CDH12: variants seen among roughly 807,000 people sequenced by gnomAD.
CDH12 encodes the protein cadherin 12.
Under a neutral mutation model 74.1 loss-of-function variants are expected in CDH12, and 41 were observed. The ratio of observed to expected loss-of-function variants is 0.55; its 90% CI spans 0.43 to 0.72. The LOEUF (loss-of-function observed/expected upper bound fraction) is 0.72, where lower values mean the gene tolerates loss of function less well. Ranked by LOEUF, CDH12 falls within the 30% of genes least tolerant of loss-of-function variation. The pLI is 0.00. For missense variants in CDH12, 945 were observed against 977.2 expected, an observed-to-expected ratio of 0.97 and a Z score of 0.44; for synonymous variants, 399 against 355.0, an observed-to-expected ratio of 1.12 and a Z score of -1.39.
chr5:22,375,409 T>C (rs1179058605), intron 3 of CDH12, among the ~76,000 whole-genome samples: 1 of 151,932 alleles, frequency 6.6e-6, no homozygotes, highest in African/African-American at 2.4e-5. Context: ...GACTAAGACC[T>C]CAAAAGCACA....
At chr5:21,941,623 C>T (rs960119834) in intron 6 of CDH12, among the ~76,000 whole-genome samples, 1 of 151,606 alleles carries the variant, frequency 6.6e-6, no homozygotes, top group Non-Finnish European at 1.5e-5. Context: ...CTATTTGGAC[C>T]ACAACTTATA....
At chr5:22,324,137 T>C (rs1157984377) in intron 3 of CDH12, among the ~76,000 whole-genome samples, 1 of 152,152 alleles carries the variant, frequency 6.6e-6, no homozygotes, top group African/African-American at 2.4e-5. Context: ...TGATGACAAG[T>C]CTTGCAATGA....
In CDH12 at chr5:21,969,683, C is replaced by T. The variant is rs184429031; in HGVS notation, c.526+5408G>A. 3.4e-3 allele frequency among the ~76,000 whole-genome samples: 511 copies of T among 152,208 alleles called. 3 individuals are homozygous for T. The highest frequency in any genetic ancestry group is 4.2e-3 in the Non-Finnish European group (283 of 68,014). On this transcript the variant is annotated intron_variant, in intron 6 of 14. Coordinates refer to ENST00000382254, the MANE Select transcript of CDH12 (RefSeq NM_004061.5). ...CTTGAGACAGAGGTACTCAATAGAGCCATTCCTATGAGAAACTTAAGTATC... is the reference window on the plus strand; with the variant it reads ...CTTGAGACAGAGGTACTCAATAGAGTCATTCCTATGAGAAACTTAAGTATC...
chr5:22,059,253 C>CTCTA (rs11438319), intron 5 of CDH12, among the ~76,000 whole-genome samples: 45,812 of 144,210 alleles, frequency 0.32, 7,469 homozygotes, highest in Admixed American at 0.37. Context: ...TTTCCTTGTA[C>CTCTA]TCTATCTATC....
intron 10 of CDH12, among the ~76,000 whole-genome samples, chr5:21,786,913 GT>G (rs1746228350): frequency 6.6e-6 from 1 of 152,146 alleles, no homozygotes; most frequent in South Asian, 2.1e-4. Flanking sequence ...CTGCAGAGGG[GT>G]GGAAATAACA....
intron 1 of CDH12, among the ~76,000 whole-genome samples, chr5:22,786,954 A>G (rs915109101): frequency 2.0e-5 from 3 of 152,070 alleles, no homozygotes; most frequent in Non-Finnish European, 4.4e-5. Context: ...TCCTGACCTC[A>G]GATGATCTGC....
At chr5:21,773,404 A>G (rs1379992444) in intron 11 of CDH12, among the ~76,000 whole-genome samples, 1 of 152,214 alleles carries the variant, frequency 6.6e-6, no homozygotes, top group Non-Finnish European at 1.5e-5. Flanking sequence ...AAGAAGGCAG[A>G]AGAACGCGGA....
At chr5:22,337,071 T>G (rs1739617584) in intron 3 of CDH12, among the ~76,000 whole-genome samples, 2 of 152,212 alleles carry the variant, frequency 1.3e-5, no homozygotes, top group African/African-American at 4.8e-5. Context: ...GGAGATCATT[T>G]TGGAGCTTTA....
chr5:21,785,248 C>G (rs984212996), intron 10 of CDH12, among the ~76,000 whole-genome samples: 8 of 152,136 alleles, frequency 5.3e-5, no homozygotes, highest in African/African-American at 1.7e-4. Flanking sequence ...GCTTCACTAA[C>G]CAGCTATTCC....
chr5:22,369,877 A>C (rs1002911044), intron 3 of CDH12, among the ~76,000 whole-genome samples: 5 of 152,206 alleles, frequency 3.3e-5, no homozygotes, highest in African/African-American at 7.2e-5. Context: ...ATAGTGAATA[A>C]ATTAACTGAA....
chr5:21,770,949 C>G (rs1477555488), intron 11 of CDH12, among the ~76,000 whole-genome samples: 1 of 152,128 alleles, frequency 6.6e-6, no homozygotes, highest in Non-Finnish European at 1.5e-5. Context: ...CCTAAGCAAA[C>G]TAACCTAAGA....
At chr5:22,775,727 C>T (rs930387556) in intron 1 of CDH12, among the ~76,000 whole-genome samples, 35 of 151,946 alleles carry the variant, frequency 2.3e-4, no homozygotes, top group Admixed American at 1.7e-3. Flanking sequence ...CTATGAATTA[C>T]ATATATATTT....
chr5:22,321,361 G>A (rs1362190696), intron 3 of CDH12, among the ~76,000 whole-genome samples: 2 of 146,988 alleles, frequency 1.4e-5, no homozygotes, highest in Non-Finnish European at 3.0e-5. Flanking sequence ...GGATGAAATT[G>A]GAAATCATCA....
intron 2 of CDH12, among the ~76,000 whole-genome samples, chr5:22,421,188 T>C (rs1213056824): frequency 1.3e-5 from 2 of 152,168 alleles, no homozygotes; most frequent in Non-Finnish European, 2.9e-5. Flanking sequence ...TTTATTTCTT[T>C]TTAAAATTTT....
Position 22,333,639 on chromosome 5 carries a change from CAAT to C in CDH12, c.-333+71615_-333+71617del, listed in dbSNP as rs1739440335. Among the ~76,000 whole-genome samples the C allele has an allele frequency of 4.6e-5, 7 of 152,116 alleles. No homozygotes were observed. The South Asian group carries it at 1.5e-3, about 32-fold the overall frequency. On this transcript the variant is annotated intron_variant, in intron 3 of 14. Transcript: ENST00000382254. ...CACTATCAAATGCATTCTAGAAGGT[CAAT>C]GTTATACTGATCCCCAAACTAGAAA...
At chr5:22,048,769 T>C (rs1424266213) in intron 5 of CDH12, among the ~76,000 whole-genome samples, 2 of 151,972 alleles carry the variant, frequency 1.3e-5, no homozygotes, top group African/African-American at 4.8e-5. Context: ...ACATGAGAAA[T>C]ACAAACAAAC....
chr5:22,051,081 T>C lies in CDH12; in HGVS notation c.231+27365A>G, dbSNP rs377127226. 5.3e-4 allele frequency among the ~76,000 whole-genome samples: 81 copies of C among 152,212 alleles called. 2 individuals are homozygous for C. In the South Asian group the frequency reaches 0.015, roughly 28 times the overall value. ...CAACCACAATTATTCCAAGTAATTG[T>C]GATGCATATTAAATAACTTCTGCTT... On this transcript the variant is annotated intron_variant, in intron 5 of 14. Transcript: ENST00000382254.
intron 1 of CDH12, among the ~76,000 whole-genome samples, chr5:22,748,086 C>G (rs1477610541): frequency 6.6e-6 from 1 of 151,980 alleles, no homozygotes; most frequent in African/African-American, 2.4e-5. Context: ...AAAACTTTTT[C>G]AAGAGAATAA....
At chr5:22,076,897 C>T (rs144830527) in intron 5 of CDH12, among the ~76,000 whole-genome samples, 221 of 152,148 alleles carry the variant, frequency 1.5e-3, no homozygotes, top group Middle Eastern at 3.4e-3. Context: ...TTGGGGCTCA[C>T]TTTGACATTC....
Sources: allele counts gnomAD v4.1 joint callset (sites outside exome capture counted in the v4.1 genomes callset), GRCh38; gene constraint gnomAD v4.1.1; transcripts MANE v1.5; gene names NCBI Gene and HGNC (gene_info 2026-07-23, HGNC 2026-07-21).